CSTPP1: variants seen among roughly 807,000 people sequenced by gnomAD.
CSTPP1 encodes the protein UPF0705 protein C11orf49.
At chr11:47,093,761 A>G in the CSTPP1 span, among the ~76,000 whole-genome samples, 1 of 152,176 alleles carries the variant, frequency 6.6e-6, no homozygotes. Context: ...ATAGGTTGGG[A>G]AGGGACTTAA....
the CSTPP1 span, among the ~76,000 whole-genome samples, chr11:47,139,090 G>T: frequency 6.9e-6 from 1 of 145,538 alleles, no homozygotes; most frequent in Non-Finnish European, 1.5e-5. Context: ...ATATCATACT[G>T]AATGCATTTA....
the CSTPP1 span, among the ~76,000 whole-genome samples, chr11:47,027,911 ATTTTCTTTTTT>A: frequency 4.3e-5 from 6 of 139,220 alleles, no homozygotes; most frequent in Non-Finnish European, 7.7e-5. Context: ...GCACATCTCT[ATTTTCTTTTTT>A]TTTTCTTTTT....
the CSTPP1 span, among the ~76,000 whole-genome samples, chr11:47,023,127 A>G: frequency 1.3e-4 from 20 of 152,298 alleles, no homozygotes; most frequent in East Asian, 3.9e-4. Context: ...TAGCAAAGCC[A>G]TAGTCATTTT....
chr11:47,146,999 G>A, the CSTPP1 span, among the ~76,000 whole-genome samples: 1 of 152,210 alleles, frequency 6.6e-6, no homozygotes, highest in African/African-American at 2.4e-5. Context: ...ACATGCAGAG[G>A]AATGCTAGAC....
the CSTPP1 span, chr11:47,052,420 T>G: frequency 6.2e-7 from 1 of 1,614,048 alleles, no homozygotes; most frequent in Non-Finnish European, 8.5e-7. Context: ...ACACACATTC[T>G]CTTTCGAGAA....
chr11:47,055,586 C>T, the CSTPP1 span, among the ~76,000 whole-genome samples: 1 of 152,176 alleles, frequency 6.6e-6, no homozygotes, highest in Non-Finnish European at 1.5e-5. Flanking sequence ...ATTAGTTCCA[C>T]TGCCCTAAGA....
At chr11:47,002,203 T>TTGGTTTAACTGAAGGAAGG in the CSTPP1 span, among the ~76,000 whole-genome samples, 3 of 151,932 alleles carry the variant, frequency 2.0e-5, no homozygotes, top group African/African-American at 7.3e-5. Flanking sequence ...CAGGAAGAGA[T>TTGGTTTAACTGAAGGAAGG]TTGCCTTCAG....
chr11:47,087,235 GA>G, the CSTPP1 span, among the ~76,000 whole-genome samples: 1 of 152,064 alleles, frequency 6.6e-6, no homozygotes, highest in African/African-American at 2.4e-5. Context: ...TAAGCTGACT[GA>G]AAAAAACAGA....
At chr11:47,101,601 GA>G in the CSTPP1 span, among the ~76,000 whole-genome samples, 2,214 of 143,586 alleles carry the variant, frequency 0.015, 54 homozygotes, top group African/African-American at 0.053. Context: ...ATTCATCTTA[GA>G]AAAAAAAAAA....
At chr11:47,127,876 A>AC in the CSTPP1 span, among the ~76,000 whole-genome samples, 40 of 147,686 alleles carry the variant, frequency 2.7e-4, no homozygotes, top group African/African-American at 9.9e-4. Flanking sequence ...GATTATTATT[A>AC]TTATTTTTTT....
chr11:46,976,651 G>A, the CSTPP1 span, among the ~76,000 whole-genome samples: 2 of 152,100 alleles, frequency 1.3e-5, no homozygotes, highest in South Asian at 2.1e-4. Flanking sequence ...GCACAGAATA[G>A]GTATTTGGTA....
the CSTPP1 span, chr11:46,987,084 T>C: frequency 2.4e-6 from 2 of 835,950 alleles, no homozygotes; most frequent in Non-Finnish European, 3.9e-6. Context: ...AGTCCACTGA[T>C]GAAGTGTCAT....
the CSTPP1 span, among the ~76,000 whole-genome samples, chr11:47,148,754 T>C: frequency 6.6e-6 from 1 of 152,234 alleles, no homozygotes; most frequent in Non-Finnish European, 1.5e-5. Context: ...ATCATCATGC[T>C]GACTCTCCAC....
At chr11:46,958,292 G>A in the CSTPP1 span, among the ~76,000 whole-genome samples, 3 of 151,136 alleles carry the variant, frequency 2.0e-5, no homozygotes, top group East Asian at 3.9e-4. Flanking sequence ...GAGCCACCAC[G>A]CCTGGCCCCA....
the CSTPP1 span, among the ~76,000 whole-genome samples, chr11:47,024,957 G>A: frequency 1.3e-5 from 2 of 152,140 alleles, no homozygotes; most frequent in Non-Finnish European, 2.9e-5. Context: ...CAGAACATTT[G>A]AAGGGAGTTT....
the CSTPP1 span, among the ~76,000 whole-genome samples, chr11:47,101,111 A>G: frequency 7.2e-6 from 1 of 139,032 alleles, no homozygotes; most frequent in Non-Finnish European, 1.5e-5. Flanking sequence ...CAATTCTTCT[A>G]CCTCAGCCTT....
At chr11:47,101,002 A>T in the CSTPP1 span, among the ~76,000 whole-genome samples, 2 of 139,370 alleles carry the variant, frequency 1.4e-5, no homozygotes, top group African/African-American at 5.2e-5. Context: ...TTCTGAGGGA[A>T]TTTTTTTTTT....
chr11:47,157,266 G>T, the CSTPP1 span: 7 of 1,514,670 alleles, frequency 4.6e-6, no homozygotes, highest in Non-Finnish European at 5.3e-6. Context: ...CAGGGGGTCG[G>T]ACTGCTGGCT....
the CSTPP1 span, among the ~76,000 whole-genome samples, chr11:47,084,254 G>A: frequency 6.6e-6 from 1 of 152,164 alleles, no homozygotes; most frequent in Non-Finnish European, 1.5e-5. Flanking sequence ...TTAGTGGGTT[G>A]TTTGTCTTTT....
Sources: gnomAD v4.1 joint callset for allele counts (sites outside exome capture counted in the v4.1 genomes callset) on GRCh38, gnomAD v4.1.1 for gene constraint, MANE v1.5 for transcripts, NCBI Gene and HGNC (gene_info 2026-07-23, HGNC 2026-07-21) for gene names.